Variants in LMTK2 observed in about 807,000 individuals in gnomAD.
LMTK2 encodes the protein lemur tail kinase 2.
Under a neutral mutation model 127.5 loss-of-function variants are expected in LMTK2, and 37 were observed. That is an observed-to-expected ratio of 0.29 (90% CI 0.22 to 0.38). The LOEUF (loss-of-function observed/expected upper bound fraction) is 0.38. Among genes scored for constraint, LMTK2 ranks in the 10% least tolerant of loss-of-function variants. The pLI, the probability that LMTK2 is intolerant of heterozygous loss-of-function variation, is 1.00. For synonymous variants in LMTK2, 819 were observed against 810.1 expected (o/e 1.01, Z -0.19); for missense variants, 1,694 against 1,920.3 (o/e 0.88, Z 2.20).
rs1358568229 is a variant in LMTK2 at position 98,117,587 on chromosome 7, T to TC, written c.103+10308dup. Among the ~76,000 whole-genome samples the TC allele has an allele frequency of 2.0e-5, 3 of 152,158 alleles. No homozygotes were observed. In the East Asian group the frequency reaches 5.8e-4, roughly 29 times the overall value. ...TCTGGCATTTCAAGAAGCTACAGGT[T>TC]CATCTTGTATATTCCCTGCCCCAGT... On this transcript the variant is annotated intron_variant, in intron 1 of 13. Transcript: ENST00000297293.
intron 1 of LMTK2, among the ~76,000 whole-genome samples, chr7:98,118,593 C>A (rs1796320501): frequency 6.6e-6 from 1 of 151,874 alleles, no homozygotes; most frequent in African/African-American, 2.4e-5. Flanking sequence ...TATAGTGGAC[C>A]CTCGTGTTCC....
intron 7 of LMTK2, among the ~76,000 whole-genome samples, chr7:98,183,768 C>T (rs528000768): frequency 4.6e-5 from 7 of 152,278 alleles, no homozygotes; most frequent in South Asian, 2.1e-4. Flanking sequence ...CTCCTAGCCT[C>T]GAGTGATCCG....
chr7:98,110,789 A>G (rs1584238199), intron 1 of LMTK2, among the ~76,000 whole-genome samples: 1 of 152,246 alleles, frequency 6.6e-6, no homozygotes, highest in Admixed American at 6.5e-5. Flanking sequence ...GTACAGAGGA[A>G]GCTTTTAGCA....
At chr7:98,178,429 C>T (rs566097497) in intron 7 of LMTK2, among the ~76,000 whole-genome samples, 10 of 152,282 alleles carry the variant, frequency 6.6e-5, no homozygotes, top group Admixed American at 5.2e-4. Flanking sequence ...CACTTTCTGT[C>T]GATCGCTCTG....
chr7:98,179,715 A>C (rs1797326731), intron 7 of LMTK2, among the ~76,000 whole-genome samples: 2 of 151,024 alleles, frequency 1.3e-5, no homozygotes, highest in Admixed American at 1.3e-4. Flanking sequence ...TTTGTTGTTC[A>C]TAACAGTGGA....
At chr7:98,159,305 G>A (rs1562909249) in intron 5 of LMTK2, 33 bp from the exon 6 acceptor site, 1 of 1,389,338 alleles carries the variant, frequency 7.2e-7, no homozygotes, top group South Asian at 1.3e-5. Flanking sequence ...CATGCTTCCT[G>A]ATGAACAATA....
At position 98,141,524 on chromosome 7, in the gene LMTK2, A is replaced by G; in HGVS notation, c.359A>G (p.Gln120Arg). 3.1e-6 allele frequency: 5 copies of G among 1,614,138 alleles called. No individual in the cohort carries two copies. Among genetic ancestry groups the G allele is most frequent in the Middle Eastern group, 1.7e-4 (1 of 6,060 alleles). ...AATATTTCACTCCCAGCTCCCTCGCAATTCCAGCCTTCTGTAGGTAAGACC... is the reference window on the plus strand; with the variant it reads ...AATATTTCACTCCCAGCTCCCTCGCGATTCCAGCCTTCTGTAGGTAAGACC... ...VPNISLPAPS[Q>R]FQPSVEGLKS... Residue 120 changes from glutamine (Q) to arginine (R), a missense_variant, in exon 3 of 14, where the codon CAA becomes CGA. Around this residue, in one of 8 missense-constraint regions of LMTK2, gnomAD observed 203 missense variants for 226.2 expected, o/e 0.90. Coordinates refer to ENST00000297293, the MANE Select transcript of LMTK2 (RefSeq NM_014916.4).
Position 98,209,187 on chromosome 7 carries a change from C to T in LMTK2, c.*3695C>T, listed in dbSNP as rs1174448107. The T allele has an allele frequency of 1.3e-5, 2 of 152,320 alleles. No homozygotes were observed. The highest frequency in any genetic ancestry group is 2.4e-5 in the African/African-American group (1 of 41,564). The allele number at this position is 152,320 out of a possible 1,614,324, so 9.4% of individuals were successfully genotyped here. On this transcript the variant is annotated 3_prime_UTR_variant, in exon 14 of 14. Coordinates refer to ENST00000297293, the MANE Select transcript of LMTK2 (RefSeq NM_014916.4). The stretch of plus-strand genomic sequence containing the variant: ...TCTCCAAAACAATATTCCTAAGTAG[C>T]AATGGGGTTGGCTCAAGTCTTTATT...
chr7:98,107,149 G>A lies in LMTK2; in HGVS notation c.-29G>A. The A allele has an allele frequency of 7.1e-7, 1 of 1,409,218 alleles. No homozygotes were observed. Among genetic ancestry groups the A allele is most frequent in the Admixed American group, 3.2e-5 (1 of 31,672 alleles). 87.3% of individuals were successfully genotyped at this position (1,409,218 alleles called of 1,614,324 possible). A position where few individuals can be genotyped will look rare whatever the true frequency, so the allele number is the denominator to read the frequency against. On this transcript the variant is annotated 5_prime_UTR_variant, in exon 1 of 14. Transcript: ENST00000297293. ...CGGACGGACGGAAGGCGACTCGAGG[G>A]CCGGCCCCGGAGCCGCGCCGTGGGC...
At chr7:98,140,076 A>ACTT (rs1796653909) in intron 2 of LMTK2, among the ~76,000 whole-genome samples, 3 of 40,434 alleles carry the variant, frequency 7.4e-5, no homozygotes, top group African/African-American at 1.6e-4. Context: ...AGGTTTCCAC[A>ACTT]ACTTTCTTTC....
chr7:98,167,829 A>G (rs1401856127), intron 6 of LMTK2, among the ~76,000 whole-genome samples: 1 of 152,168 alleles, frequency 6.6e-6, no homozygotes. Flanking sequence ...GTCCTTACGG[A>G]TCAACGAGAG....
intron 11 of LMTK2, among the ~76,000 whole-genome samples, chr7:98,195,712 G>T (rs571773378): frequency 2.2e-4 from 33 of 152,278 alleles, no homozygotes; most frequent in African/African-American, 6.7e-4. Flanking sequence ...TCATGGGTCC[G>T]TGGCTATGGC....
At chr7:98,184,505 A>G (rs1797403439) in intron 7 of LMTK2, among the ~76,000 whole-genome samples, 1 of 152,130 alleles carries the variant, frequency 6.6e-6, no homozygotes, top group Non-Finnish European at 1.5e-5. Flanking sequence ...ACCTACTCTA[A>G]CATACCTATG....
chr7:98,187,210 A>G (rs1797449131), intron 9 of LMTK2, among the ~76,000 whole-genome samples: 1 of 152,122 alleles, frequency 6.6e-6, no homozygotes, highest in Non-Finnish European at 1.5e-5. Context: ...CCTGCTACCC[A>G]TTTTCCTTTA....
chr7:98,147,993 C>G (rs902985545), intron 3 of LMTK2, among the ~76,000 whole-genome samples: 3 of 152,168 alleles, frequency 2.0e-5, no homozygotes, highest in East Asian at 1.9e-4. Flanking sequence ...GTCAGGAGTT[C>G]GAGACCAGCC....
chr7:98,192,659 C>T lies in LMTK2; in HGVS notation c.2194C>T (p.Leu732=). 6.2e-7 allele frequency: 1 copy of T among 1,610,492 alleles called. No individual in the cohort carries two copies. The highest frequency in any genetic ancestry group is 8.5e-7 in the Non-Finnish European group (1 of 1,179,024). Residue 732 remains leucine (L), a synonymous_variant, in exon 11 of 14, where the codon CTA becomes TTA. Transcript: ENST00000297293. The stretch of plus-strand genomic sequence containing the variant: ...TTTATTTCTTCAAGAGAAAAACTTA[C>T]TAAAAGGCTCATTGTCCAGCAAAGA... ...NFLFLQEKNL[L]KGSLSSKEHI...
chr7:98,173,881 C>G (rs542085215), intron 7 of LMTK2, among the ~76,000 whole-genome samples: 1 of 152,048 alleles, frequency 6.6e-6, no homozygotes, highest in South Asian at 2.1e-4. Context: ...ACGGTGAAAC[C>G]CCGTCTCTAC....
In LMTK2 at chr7:98,121,900, G is replaced by A. The variant is rs1307784339; in HGVS notation, c.103+14620G>A. On this transcript the variant is annotated intron_variant, in intron 1 of 13. Transcript: ENST00000297293. ...TGCACCTGTGGTTACAGCTACTCAAGAGGCTGAGGTGGGAGGATCACTTGA... is the reference window on the plus strand; with the variant it reads ...TGCACCTGTGGTTACAGCTACTCAAAAGGCTGAGGTGGGAGGATCACTTGA... Among the ~76,000 whole-genome samples the A allele has an allele frequency of 2.6e-5, 4 of 152,180 alleles. No homozygotes were observed. In the East Asian group the frequency reaches 5.8e-4, roughly 22 times the overall value.
intron 1 of LMTK2, among the ~76,000 whole-genome samples, chr7:98,133,233 T>A (rs563559702): frequency 2.6e-4 from 39 of 152,334 alleles, no homozygotes; most frequent in African/African-American, 8.7e-4. Context: ...CTGTTCTTGA[T>A]GTTGTTTGGT....
Sources: gnomAD v4.1 joint callset for allele counts (sites outside exome capture counted in the v4.1 genomes callset) on GRCh38, gnomAD v4.1.1 for gene constraint, gnomAD v4.1.1 regional missense constraint, MANE v1.5 for transcripts, NCBI Gene and HGNC (gene_info 2026-07-23, HGNC 2026-07-21) for gene names.